ZRANB3: variants seen among roughly 807,000 people sequenced by gnomAD.
ZRANB3 encodes zinc finger RANBP2-type containing 3, also known as DNA annealing helicase and endonuclease ZRANB3.
ZRANB3 carries 125 observed loss-of-function variants against 133.8 expected under a neutral mutation model. The ratio of observed to expected loss-of-function variants is 0.93; its 90% CI spans 0.81 to 1.08. The LOEUF (loss-of-function observed/expected upper bound fraction) is 1.08, where lower values mean the gene tolerates loss of function less well. Ranked by LOEUF, ZRANB3 falls within the 50% of genes least tolerant of loss-of-function variation. The pLI is 0.00. For synonymous variants in ZRANB3, 387 were observed against 432.7 expected (o/e 0.89, Z 1.31); for missense variants, 1,229 against 1,275.5 (o/e 0.96, Z 0.56).
At chr2:135,269,282 T>C (rs956764769) in intron 10 of ZRANB3, 141 bp from the exon 11 acceptor site, 7 of 621,090 alleles carry the variant, frequency 1.1e-5, no homozygotes, top group Non-Finnish European at 1.7e-5. Context: ...TAAGATTTAA[T>C]TCATGAAAGG....
intron 8 of ZRANB3, among the ~76,000 whole-genome samples, chr2:135,289,441 C>T (rs1392476141): frequency 4.6e-5 from 7 of 152,018 alleles, no homozygotes; most frequent in South Asian, 2.1e-4. Flanking sequence ...GTTTTAGTAG[C>T]GACGGGGTTT....
intron 8 of ZRANB3, among the ~76,000 whole-genome samples, chr2:135,288,972 G>T (rs1681543135): frequency 6.6e-6 from 1 of 151,368 alleles, no homozygotes; most frequent in African/African-American, 2.4e-5. Context: ...CTGGGTTTGG[G>T]TCTGGTTTGT....
At chr2:135,364,510 G>A (rs575686867) in intron 3 of ZRANB3, among the ~76,000 whole-genome samples, 1 of 152,314 alleles carries the variant, frequency 6.6e-6, no homozygotes, top group South Asian at 2.1e-4. Flanking sequence ...CACTTTGGGA[G>A]GCTGAGGTGG....
At chr2:135,375,572 C>T (rs1157973781) in intron 3 of ZRANB3, among the ~76,000 whole-genome samples, 1 of 152,106 alleles carries the variant, frequency 6.6e-6, no homozygotes, top group Admixed American at 6.5e-5. Context: ...GTAGTCCCAG[C>T]TACTTGGGAG....
intron 2 of ZRANB3, among the ~76,000 whole-genome samples, chr2:135,431,284 C>T (rs1344034070): frequency 6.0e-5 from 9 of 150,828 alleles, no homozygotes; most frequent in Non-Finnish European, 8.9e-5. Flanking sequence ...ACAGTGAAAC[C>T]CTGTCTCAAT....
Position 135,197,504 on chromosome 2 carries a change from A to C in ZRANB3, c.*2838T>G, listed in dbSNP as rs1693455641. 1 of 152,262 alleles carries C rather than the reference A, an allele frequency of 6.6e-6. No individual in the cohort carries two copies. Among genetic ancestry groups the C allele is most frequent in the Non-Finnish European group, 1.5e-5 (1 of 68,046 alleles). 9.4% of individuals were successfully genotyped at this position (152,262 alleles called of 1,614,324 possible). ...CACTTGTCACAGGAAAATCTCCCCAAGAAATGTACGTTGGGCTGTAATTAA... is the reference window on the plus strand; with the variant it reads ...CACTTGTCACAGGAAAATCTCCCCACGAAATGTACGTTGGGCTGTAATTAA... On this transcript the variant is annotated 3_prime_UTR_variant, in exon 21 of 21. Coordinates refer to ENST00000264159, the MANE Select transcript of ZRANB3 (RefSeq NM_032143.4).
chr2:135,278,739 C>G (rs1042605240), intron 8 of ZRANB3, among the ~76,000 whole-genome samples: 2 of 151,870 alleles, frequency 1.3e-5, no homozygotes, highest in East Asian at 3.9e-4. Flanking sequence ...TTATTAATGC[C>G]AAAGAAAATA....
chr2:135,522,440 G>A (rs1017058126), intron 1 of ZRANB3, among the ~76,000 whole-genome samples: 3 of 152,096 alleles, frequency 2.0e-5, no homozygotes, highest in Non-Finnish European at 2.9e-5. Context: ...TGGGGTACCC[G>A]CCGGGTGGTG....
intron 2 of ZRANB3, among the ~76,000 whole-genome samples, chr2:135,407,203 G>C: frequency 6.6e-6 from 1 of 152,100 alleles, no homozygotes; most frequent in Middle Eastern, 3.2e-3. Context: ...GCCAAATCAT[G>C]AGTGAACTCC....
chr2:135,210,511 T>C (rs553245554), intron 17 of ZRANB3, among the ~76,000 whole-genome samples: 1 of 152,206 alleles, frequency 6.6e-6, no homozygotes, highest in African/African-American at 2.4e-5. Context: ...ATTGTATTTT[T>C]AGTAGAGATG....
intron 6 of ZRANB3, among the ~76,000 whole-genome samples, chr2:135,344,605 C>T (rs926199754): frequency 2.0e-5 from 3 of 152,028 alleles, no homozygotes; most frequent in Non-Finnish European, 2.9e-5. Context: ...GGCATGGTTG[C>T]GCATGCCTGT....
At chr2:135,403,393 G>C (rs997518114) in intron 2 of ZRANB3, among the ~76,000 whole-genome samples, 1 of 152,234 alleles carries the variant, frequency 6.6e-6, no homozygotes, top group Non-Finnish European at 1.5e-5. Flanking sequence ...GAAGGCGGCA[G>C]CAAGGCTGGG....
intron 1 of ZRANB3, among the ~76,000 whole-genome samples, chr2:135,506,166 G>A (rs560533382): frequency 4.6e-5 from 7 of 152,234 alleles, no homozygotes; most frequent in East Asian, 1.9e-4. Context: ...CAAAGTGGGC[G>A]GATCACCTGA....
intron 16 of ZRANB3, 76 bp from the exon 17 acceptor site, chr2:135,217,683 C>A: frequency 6.6e-7 from 1 of 1,508,304 alleles, no homozygotes; most frequent in Non-Finnish European, 8.9e-7. Context: ...CTATTTACAA[C>A]ATCAGAAAAC....
chr2:135,309,679 T>C (rs957733939), intron 8 of ZRANB3, among the ~76,000 whole-genome samples: 3 of 152,046 alleles, frequency 2.0e-5, no homozygotes, highest in African/African-American at 7.2e-5. Context: ...TCTAACAAAA[T>C]GTATTAAAAA....
chr2:135,298,191 GCAC>G (rs1182850820), intron 8 of ZRANB3, among the ~76,000 whole-genome samples: 1 of 152,128 alleles, frequency 6.6e-6, no homozygotes. Context: ...TCGTACCACT[GCAC>G]TCCAGCCTGG....
At chr2:135,398,472 C>T (rs1687595717) in intron 2 of ZRANB3, among the ~76,000 whole-genome samples, 1 of 150,906 alleles carries the variant, frequency 6.6e-6, no homozygotes, top group South Asian at 2.1e-4. Context: ...TTTGCCCTTA[C>T]TCTTTTTTTC....
chr2:135,299,808 C>T (rs371876570), intron 8 of ZRANB3, among the ~76,000 whole-genome samples: 2 of 152,104 alleles, frequency 1.3e-5, no homozygotes, highest in Non-Finnish European at 2.9e-5. Flanking sequence ...TGTAGCATAG[C>T]GTTGTACATA....
intron 6 of ZRANB3, among the ~76,000 whole-genome samples, chr2:135,318,989 AG>A (rs1488886069): frequency 6.6e-6 from 1 of 152,252 alleles, no homozygotes; most frequent in East Asian, 1.9e-4. Context: ...TGCTTAGAAT[AG>A]TAACATGAAT....
Sources: gnomAD v4.1 joint callset for allele counts (sites outside exome capture counted in the v4.1 genomes callset) on GRCh38, gnomAD v4.1.1 for gene constraint, MANE v1.5 for transcripts, NCBI Gene and HGNC (gene_info 2026-07-23, HGNC 2026-07-21) for gene names.